FGF14: variants seen among roughly 807,000 people sequenced by gnomAD.
FGF14 encodes fibroblast growth factor homologous factor 4.
FGF14 carries 5 observed loss-of-function variants against 25.5 expected under a neutral mutation model. The observed-to-expected ratio is 0.20, with a 90% CI of 0.10 to 0.41. The LOEUF (loss-of-function observed/expected upper bound fraction) is 0.41, where lower values mean the gene tolerates loss of function less well. Ranked by LOEUF, FGF14 falls within the 10% of genes least tolerant of loss-of-function variation. FGF14 has a pLI of 1.00. For missense variants in FGF14, 222 were observed against 320.1 expected (o/e 0.69, Z 2.34); for synonymous variants, 138 against 118.3 (o/e 1.17, Z -1.08).
At chr13:102,391,895 A>T (rs1198616082) in intron 1 of FGF14, among the ~76,000 whole-genome samples, 2 of 152,256 alleles carry the variant, frequency 1.3e-5, no homozygotes, top group Non-Finnish European at 2.9e-5. Flanking sequence ...GCAGCAATAC[A>T]ACTAAAGAAG....
At chr13:102,119,012 C>A (rs1452817986) in intron 1 of FGF14, among the ~76,000 whole-genome samples, 1 of 152,000 alleles carries the variant, frequency 6.6e-6, no homozygotes, top group Non-Finnish European at 1.5e-5. Context: ...TTCAGTAAAA[C>A]TGTTGATTCA....
rs528624615 is a variant in FGF14, at chr13:102,111,223, G to C, written c.209-235927C>G. Among the ~76,000 whole-genome samples the C allele has an allele frequency of 1.1e-4, 16 of 152,264 alleles. No homozygotes were observed. The South Asian group carries it at 1.2e-3, about 12-fold the overall frequency. ...TGAAACGGAATATCCCCTTCCATTG[G>C]TGGATGCTGGGTTTGAGTTTCCCTT... On this transcript the variant is annotated intron_variant, in intron 1 of 4. Transcript: ENST00000376131.
intron 1 of FGF14, among the ~76,000 whole-genome samples, chr13:101,938,287 A>C (rs1322706): frequency 0.012 from 1,808 of 152,308 alleles, 43 homozygotes; most frequent in African/African-American, 0.041. Context: ...ACAACAACAA[A>C]AAAAATCCAT....
chr13:102,249,567 T>C (rs2052063378), intron 1 of FGF14, among the ~76,000 whole-genome samples: 1 of 151,960 alleles, frequency 6.6e-6, no homozygotes, highest in South Asian at 2.1e-4. Context: ...TGTGTGTGTG[T>C]GTGTGTGTGT....
intron 1 of FGF14, among the ~76,000 whole-genome samples, chr13:102,341,706 G>A (rs2056956920): frequency 6.6e-6 from 1 of 151,318 alleles, no homozygotes; most frequent in Non-Finnish European, 1.5e-5. Context: ...AAGACAGAAA[G>A]CTGACATACA....
At chr13:101,915,113 G>A (rs2033332498) in intron 1 of FGF14, among the ~76,000 whole-genome samples, 1 of 152,136 alleles carries the variant, frequency 6.6e-6, no homozygotes, top group South Asian at 2.1e-4. Flanking sequence ...TTCTCTAACA[G>A]AACTTCCACT....
At chr13:102,062,035 TCAC>T (rs2042710770) in intron 1 of FGF14, among the ~76,000 whole-genome samples, 1 of 152,188 alleles carries the variant, frequency 6.6e-6, no homozygotes, top group Non-Finnish European at 1.5e-5. Flanking sequence ...AACATTTGCT[TCAC>T]TCCACAAGGT....
At chr13:101,849,364 C>T (rs1238785191) in intron 3 of FGF14, among the ~76,000 whole-genome samples, 3 of 151,980 alleles carry the variant, frequency 2.0e-5, no homozygotes, top group Admixed American at 6.6e-5. Context: ...AATGGAGGAA[C>T]ATTTTTGTTT....
chr13:101,919,530 A>T (rs1019357875), upstream of FGF14, among the ~76,000 whole-genome samples: 5 of 151,652 alleles, frequency 3.3e-5, no homozygotes, highest in African/African-American at 1.2e-4. Flanking sequence ...CTTTCCCCCA[A>T]ATCCTTGGAC....
intron 3 of FGF14, among the ~76,000 whole-genome samples, chr13:101,766,505 C>A (rs973194282): frequency 3.3e-5 from 5 of 152,046 alleles, no homozygotes; most frequent in African/African-American, 9.7e-5. Flanking sequence ...GCAAAACAGG[C>A]AAAATAGACA....
At chr13:101,959,911 G>A (rs1159912763) in intron 1 of FGF14, among the ~76,000 whole-genome samples, 3 of 152,102 alleles carry the variant, frequency 2.0e-5, no homozygotes, top group Non-Finnish European at 4.4e-5. Flanking sequence ...ATTGAATCTG[G>A]AGATGAAGTC....
chr13:102,231,064 T>A (rs1407025965), intron 1 of FGF14, among the ~76,000 whole-genome samples: 3 of 152,220 alleles, frequency 2.0e-5, no homozygotes, highest in Non-Finnish European at 4.4e-5. Context: ...TCCCTTTTCT[T>A]TTTTGTCTAT....
chr13:101,911,015 T>C (rs960696390), intron 1 of FGF14, among the ~76,000 whole-genome samples: 5 of 151,922 alleles, frequency 3.3e-5, no homozygotes, highest in Non-Finnish European at 5.9e-5. Context: ...ATAAATTATA[T>C]CTAAGAAAAA....
intron 1 of FGF14, among the ~76,000 whole-genome samples, chr13:102,388,557 C>G (rs2058359557): frequency 6.6e-6 from 1 of 152,182 alleles, no homozygotes; most frequent in Non-Finnish European, 1.5e-5. Context: ...TCCAAGAAAG[C>G]AATGCCCTTC....
At chr13:102,081,798 G>A (rs1208917248) in intron 1 of FGF14, among the ~76,000 whole-genome samples, 2 of 151,998 alleles carry the variant, frequency 1.3e-5, no homozygotes. Context: ...AAAACTTTTA[G>A]GTAGTGTTAT....
chr13:102,238,511 A>G (rs953230871), intron 1 of FGF14, among the ~76,000 whole-genome samples: 1 of 152,240 alleles, frequency 6.6e-6, no homozygotes, highest in African/African-American at 2.4e-5. Flanking sequence ...CAATCAGATG[A>G]TATTTCAGAG....
chr13:102,189,222 G>A (rs1448255467), intron 1 of FGF14, among the ~76,000 whole-genome samples: 1 of 152,058 alleles, frequency 6.6e-6, no homozygotes, highest in Non-Finnish European at 1.5e-5. Flanking sequence ...AGGTTGATAG[G>A]TTTGAAAAGT....
At chr13:101,846,939 T>C (rs1199632329) in intron 3 of FGF14, among the ~76,000 whole-genome samples, 1 of 152,082 alleles carries the variant, frequency 6.6e-6, no homozygotes, top group Non-Finnish European at 1.5e-5. Flanking sequence ...TGCAGTATAA[T>C]GGAAAATAAA....
intron 1 of FGF14, among the ~76,000 whole-genome samples, chr13:101,982,571 T>C (rs962549397): frequency 5.3e-5 from 8 of 152,214 alleles, no homozygotes; most frequent in African/African-American, 1.4e-4. Flanking sequence ...CTTTATAAAA[T>C]AGATCACAAC....
Sources: gnomAD v4.1 joint callset for allele counts (sites outside exome capture counted in the v4.1 genomes callset) on GRCh38, gnomAD v4.1.1 for gene constraint, MANE v1.5 for transcripts, NCBI Gene and HGNC (gene_info 2026-07-23, HGNC 2026-07-21) for gene names.